ZC3H15: variants seen among roughly 807,000 people sequenced by gnomAD.
ZC3H15 encodes the protein zinc finger CCCH-type containing 15.
Under a neutral mutation model 51.2 loss-of-function variants are expected in ZC3H15, and 15 were observed. The ratio of observed to expected loss-of-function variants is 0.29; its 90% CI spans 0.20 to 0.45. ZC3H15 has a LOEUF of 0.45. Ranked by LOEUF, ZC3H15 falls within the 20% of genes least tolerant of loss-of-function variation. The pLI is 1.00. For synonymous variants in ZC3H15, 144 were observed against 162.8 expected, an observed-to-expected ratio of 0.88 and a Z score of 0.88; for missense variants, 381 against 494.7, an observed-to-expected ratio of 0.77 and a Z score of 2.18.
chr2:186,501,384 G>A lies in ZC3H15; in HGVS notation c.401G>A (p.Arg134Gln). Residue 134 changes from arginine (R) to glutamine (Q), a missense_variant, in exon 4 of 10, where the codon CGA (arginine) becomes CAA (glutamine). By Grantham distance (43) the Arg-to-Gln change is conservative. Coordinates refer to ENST00000337859, the MANE Select transcript of ZC3H15 (RefSeq NM_018471.3). Reference protein sequence around the residue: ...DLTLERKCEKRSVYIDARDEE... With the variant: ...DLTLERKCEKQSVYIDARDEE... The stretch of plus-strand genomic sequence containing the variant: ...ACTCTGGAGAGAAAATGTGAAAAGC[G>A]AAGTGTTTACATTGATGCAAGAGAT... 1.2e-6 allele frequency: 2 copies of A among 1,613,820 alleles called. No homozygotes were observed. The highest frequency in any genetic ancestry group is 8.5e-7 in the Non-Finnish European group (1 of 1,179,878).
intron 1 of ZC3H15, among the ~76,000 whole-genome samples, chr2:186,494,960 G>A (rs986341543): frequency 1.3e-5 from 2 of 151,644 alleles, no homozygotes; most frequent in African/African-American, 4.8e-5. Flanking sequence ...AGAACTTAAA[G>A]TATAATAAAA....
intron 1 of ZC3H15, among the ~76,000 whole-genome samples, chr2:186,493,601 A>G (rs1400836121): frequency 6.6e-6 from 1 of 152,092 alleles, no homozygotes; most frequent in Non-Finnish European, 1.5e-5. Context: ...TAACATGACT[A>G]CAAACTGGGT....
intron 1 of ZC3H15, among the ~76,000 whole-genome samples, chr2:186,493,268 GTCT>G (rs1417628751): frequency 6.6e-6 from 1 of 152,090 alleles, no homozygotes; most frequent in Non-Finnish European, 1.5e-5. Context: ...AACAGGAGGG[GTCT>G]TCTTGGAGGT....
chr2:186,493,629 A>T (rs1685233811), intron 1 of ZC3H15, among the ~76,000 whole-genome samples: 1 of 152,012 alleles, frequency 6.6e-6, no homozygotes, highest in Non-Finnish European at 1.5e-5. Context: ...AACAACAGAA[A>T]TTTATTCTCT....
rs780707749 is a variant in ZC3H15, at chr2:186,508,653, C to G, written c.1201C>G (p.Pro401Ala). The G allele has an allele frequency of 3.7e-6, 6 of 1,614,034 alleles. No individual in the cohort carries two copies. The South Asian group carries it at 5.5e-5, about 15-fold the overall frequency. The stretch of plus-strand genomic sequence containing the variant: ...GGAAAATGGAGCCATTGATGCTGTT[C>G]CTGTTGATGAAAATCTTTTCACTGG... ...GTENGAIDAV[P>A]VDENLFTGED... The change falls in exon 10 of 10, where the codon CCT becomes GCT. Residue 401 changes from proline to alanine, a missense_variant. Transcript: ENST00000337859.
At chr2:186,508,515 C>G in intron 9 of ZC3H15, 28 bp from the exon 10 acceptor site, 1 of 1,604,528 alleles carries the variant, frequency 6.2e-7, no homozygotes. Flanking sequence ...TGCTTCTACG[C>G]CTTACTGATT....
intron 2 of ZC3H15, among the ~76,000 whole-genome samples, chr2:186,496,152 G>C (rs1388707350): frequency 6.6e-6 from 1 of 152,120 alleles, no homozygotes; most frequent in Non-Finnish European, 1.5e-5. Flanking sequence ...GGTCTCCCCT[G>C]CCACTGGATT....
chr2:186,506,652 T>C (rs1244441014), intron 8 of ZC3H15, 61 bp from the exon 9 acceptor site: 7 of 1,541,534 alleles, frequency 4.5e-6, no homozygotes, highest in Non-Finnish European at 6.1e-6. Flanking sequence ...AAGATAAATG[T>C]CAGGAGTAAA....
At chr2:186,506,910 A>C in intron 9 of ZC3H15, 74 bp downstream of exon 9, 1 of 1,492,124 alleles carries the variant, frequency 6.7e-7, no homozygotes, top group Non-Finnish European at 9.0e-7. Flanking sequence ...GGCTTGGCAA[A>C]CTTAGATGTG....
intron 3 of ZC3H15, chr2:186,500,683 T>A: frequency 2.2e-6 from 1 of 458,514 alleles, no homozygotes. Flanking sequence ...TGTTTTTGTT[T>A]TTGTTTTTTT....
Position 186,486,332 on chromosome 2 carries a change from C to G in ZC3H15, c.-51C>G. 2 of 1,497,634 alleles carry G rather than the reference C, an allele frequency of 1.3e-6. No homozygotes were observed. The highest frequency in any genetic ancestry group is 1.8e-6 in the Non-Finnish European group (2 of 1,116,722). The allele number at this position is 1,497,634 out of a possible 1,614,324, so 92.8% of individuals were successfully genotyped here. On this transcript the variant is annotated 5_prime_UTR_variant, in exon 1 of 10. Coordinates refer to ENST00000337859, the MANE Select transcript of ZC3H15 (RefSeq NM_018471.3). ...TCGTCCTGCCGCAGGGCCAGAACCC[C>G]TGACGGTATTCAGCTGCGCGTAAGT...
chr2:186,500,315 T>C (rs763492790), intron 3 of ZC3H15, 22 bp downstream of exon 3: 5 of 1,558,518 alleles, frequency 3.2e-6, no homozygotes, highest in Admixed American at 1.9e-5. Context: ...ATTTCAGAAG[T>C]GTGATTTTTT....
rs200263984 is a variant in ZC3H15, at chr2:186,505,879, T to C, written c.966+38T>C. On this transcript the variant is annotated intron_variant, in intron 8 of 9. Transcript: ENST00000337859. ...TTTGTGCCTCATCTCCTTATGTTAA[T>C]TGAAAGAAACAATAGAAAATACCAC... 22 of 1,595,842 alleles carry C rather than the reference T, an allele frequency of 1.4e-5. No individual in the cohort carries two copies. The East Asian group carries it at 4.5e-4, about 32-fold the overall frequency.
In ZC3H15 at chr2:186,508,818, AG is replaced by A; in HGVS notation, c.*87del. The A allele has an allele frequency of 7.0e-7, 1 of 1,428,642 alleles. No homozygotes were observed. Among genetic ancestry groups the A allele is most frequent in the Non-Finnish European group, 9.6e-7 (1 of 1,041,678 alleles). 88.5% of individuals were successfully genotyped at this position (1,428,642 alleles called of 1,614,324 possible). ...TAATTTCTTTCCACCTAGAATCAAC[AG>A]GATGTTTATTTCCTATGCTGATTCT... On this transcript the variant is annotated 3_prime_UTR_variant, in exon 10 of 10. Coordinates refer to ENST00000337859, the MANE Select transcript of ZC3H15 (RefSeq NM_018471.3).
At chr2:186,501,536 A>G in intron 4 of ZC3H15, 111 bp downstream of exon 4, 1 of 891,786 alleles carries the variant, frequency 1.1e-6, no homozygotes, top group Admixed American at 2.8e-5. Context: ...CTGTTTATAA[A>G]AAATAATTAA....
intron 2 of ZC3H15, among the ~76,000 whole-genome samples, chr2:186,496,108 A>C (rs765280933): frequency 6.6e-6 from 1 of 152,158 alleles, no homozygotes; most frequent in Non-Finnish European, 1.5e-5. Context: ...ATATTGCTAG[A>C]TATGTTGCTA....
rs149983269 is a variant in ZC3H15, at chr2:186,495,649, C to G, written c.177+315C>G. Among the ~76,000 whole-genome samples, 106 of 152,296 alleles carry G rather than the reference C, an allele frequency of 7.0e-4. No homozygotes were observed. The Middle Eastern group carries it at 0.01, about 15-fold the overall frequency. On this transcript the variant is annotated intron_variant, in intron 2 of 9. Coordinates refer to ENST00000337859, the MANE Select transcript of ZC3H15 (RefSeq NM_018471.3). The stretch of plus-strand genomic sequence containing the variant: ...GACACTAAGACCACCTGTAGAAATA[C>G]AGGAGTTCTTACATGTGTTTATGCT...
chr2:186,487,156 A>G (rs1158802071), intron 1 of ZC3H15: 3 of 152,262 alleles, frequency 2.0e-5, no homozygotes, highest in East Asian at 3.9e-4. Context: ...GTATATATGT[A>G]TACATCTATG....
At chr2:186,497,112 A>G (rs1056391366) in intron 2 of ZC3H15, 32 of 439,862 alleles carry the variant, frequency 7.3e-5, no homozygotes, top group Non-Finnish European at 1.2e-4. Context: ...TTTCATAGAC[A>G]TGGATCTTTA....
Sources: allele counts gnomAD v4.1 joint callset (sites outside exome capture counted in the v4.1 genomes callset), GRCh38; gene constraint gnomAD v4.1.1; transcripts MANE v1.5; gene names NCBI Gene and HGNC (gene_info 2026-07-23, HGNC 2026-07-21).